RUSC2: variants seen among roughly 807,000 people sequenced by gnomAD.
RUSC2 encodes the protein RUN and SH3 domain containing 2.
RUSC2 carries 34 observed loss-of-function variants against 122.2 expected under a neutral mutation model. The observed-to-expected ratio is 0.28, with a 90% confidence interval of 0.21 to 0.37. The LOEUF (loss-of-function observed/expected upper bound fraction) is 0.37, where lower values mean the gene tolerates loss of function less well. RUSC2 is among the 10% of genes least tolerant of loss of function. RUSC2 has a pLI of 1.00. For synonymous variants in RUSC2, 784 were observed against 790.0 expected (o/e 0.99, Z 0.13); for missense variants, 1,747 against 1,952.4 (o/e 0.89, Z 1.98).
At position 35,500,064 on chromosome 9, in the gene RUSC2, G is replaced by A. The variant is rs537835022; in HGVS notation, c.-93+9892G>A. 3.9e-5 allele frequency among the ~76,000 whole-genome samples: 6 copies of A among 152,180 alleles called. No homozygotes were observed. The East Asian group carries it at 5.8e-4, about 15-fold the overall frequency. The stretch of plus-strand genomic sequence containing the variant: ...GAACAGCTTATTTTTCTAGAGTTCC[G>A]GATAGCTAGAGTTTTTCTATAAGAC... On this transcript the variant is annotated intron_variant, in intron 1 of 11. Coordinates refer to ENST00000361226, the MANE Select transcript of RUSC2 (RefSeq NM_014806.5).
intron 1 of RUSC2, among the ~76,000 whole-genome samples, chr9:35,492,151 A>G (rs975285363): frequency 6.6e-6 from 1 of 151,688 alleles, no homozygotes; most frequent in African/African-American, 2.4e-5. Context: ...TTTTCTCCTC[A>G]CCTCCAATAC....
chr9:35,557,260 G>A lies in RUSC2; in HGVS notation c.2984-654G>A, dbSNP rs1190202852. On this transcript the variant is annotated intron_variant, in intron 5 of 11. Coordinates refer to ENST00000361226, the MANE Select transcript of RUSC2 (RefSeq NM_014806.5). The surrounding 1 kb of genome is among the most constrained non-coding windows in gnomAD (Gnocchi z 4.6). ...AGAGCTGAAGTTCCTTGCAAAGGCA[G>A]AAGGGGAGAATCAGAGCTCAGGGAG... is the stretch of plus-strand genomic sequence containing the variant. 6.6e-6 allele frequency among the ~76,000 whole-genome samples: 1 copy of A among 152,212 alleles called. No homozygotes were observed. Among genetic ancestry groups the A allele is most frequent in the Non-Finnish European group, 1.5e-5 (1 of 68,040 alleles).
intron 1 of RUSC2, among the ~76,000 whole-genome samples, chr9:35,510,217 C>T (rs557558381): frequency 1.9e-4 from 29 of 152,240 alleles, no homozygotes; most frequent in East Asian, 1.9e-4. Flanking sequence ...TCAATTCAGG[C>T]ATAAGTAATT....
In RUSC2 at chr9:35,546,915, C is replaced by T. The variant is rs1030403019; in HGVS notation, c.394C>T (p.His132Tyr). 1.9e-6 allele frequency: 3 copies of T among 1,577,110 alleles called. No homozygotes were observed. The highest frequency in any genetic ancestry group is 8.6e-7 in the Non-Finnish European group (1 of 1,161,498). Reference sequence around the variant, plus strand: ...TGACAGTGCCACCCAGCAGTCCTTCCACCTGCATGGCACTGGCCAGCCCAA... The same window carrying T: ...TGACAGTGCCACCCAGCAGTCCTTCTACCTGCATGGCACTGGCCAGCCCAA... ...IGDSATQQSFHLHGTGQPNFH... is the reference protein window; with the variant it reads ...IGDSATQQSFYLHGTGQPNFH... The change falls in exon 2 of 12, where the codon CAC (histidine) becomes TAC (tyrosine). Residue 132 changes from histidine (H) to tyrosine (Y), a missense_variant. By Grantham distance (83) the His-to-Tyr change is moderately conservative. Coordinates refer to ENST00000361226, the MANE Select transcript of RUSC2 (RefSeq NM_014806.5). The surrounding 1 kb of genome is among the most constrained non-coding windows in gnomAD (Gnocchi z 4.3).
intron 1 of RUSC2, among the ~76,000 whole-genome samples, chr9:35,529,015 A>G (rs1230526334): frequency 6.6e-6 from 1 of 152,252 alleles, no homozygotes; most frequent in Admixed American, 6.5e-5. Flanking sequence ...ACCATTGAAT[A>G]TACCTTGTAT....
chr9:35,531,384 G>A (rs1821415882), intron 1 of RUSC2, among the ~76,000 whole-genome samples: 1 of 152,194 alleles, frequency 6.6e-6, no homozygotes, highest in African/African-American at 2.4e-5. Context: ...TGTGATAGCT[G>A]GGAACCAAGA....
intron 1 of RUSC2, among the ~76,000 whole-genome samples, chr9:35,541,450 T>C (rs1287778277): frequency 6.6e-6 from 1 of 151,410 alleles, no homozygotes; most frequent in Non-Finnish European, 1.5e-5. Context: ...CAGTTTACTC[T>C]CATTTTTTTT....
intron 1 of RUSC2, among the ~76,000 whole-genome samples, chr9:35,522,845 G>A (rs1445521789): frequency 6.6e-6 from 1 of 152,200 alleles, no homozygotes. Flanking sequence ...TGAGGTTGTC[G>A]CTGTTGGAGA....
At chr9:35,559,630 G>A (rs1822099250) in intron 9 of RUSC2, among the ~76,000 whole-genome samples, 1 of 152,236 alleles carries the variant, frequency 6.6e-6, no homozygotes, top group Admixed American at 6.5e-5. Context: ...AGCTACTCGG[G>A]AGGCTGAGGC....
At chr9:35,516,842 C>G (rs966568731) in intron 1 of RUSC2, among the ~76,000 whole-genome samples, 3 of 152,112 alleles carry the variant, frequency 2.0e-5, no homozygotes, top group Non-Finnish European at 2.9e-5. Flanking sequence ...CTGAGAATGG[C>G]TTTTACATTT....
intron 1 of RUSC2, among the ~76,000 whole-genome samples, chr9:35,521,837 G>C (rs1244515501): frequency 6.6e-6 from 1 of 152,246 alleles, no homozygotes; most frequent in Non-Finnish European, 1.5e-5. Context: ...ATACGAGTTA[G>C]AAACAGTGGC....
chr9:35,560,913 G>A (rs1822145923), intron 10 of RUSC2, 47 bp from the exon 11 acceptor site: 1 of 1,600,774 alleles, frequency 6.2e-7, no homozygotes. Flanking sequence ...CCAGGGCACG[G>A]GCAGAGCCCA....
At chr9:35,544,894 T>G (rs1214386942) in intron 1 of RUSC2, among the ~76,000 whole-genome samples, 2 of 152,164 alleles carry the variant, frequency 1.3e-5, no homozygotes, top group Admixed American at 1.3e-4. Context: ...ATCTTGTAGC[T>G]CAGACTCTCT....
intron 1 of RUSC2, among the ~76,000 whole-genome samples, chr9:35,530,376 T>A (rs999827035): frequency 1.2e-4 from 19 of 152,122 alleles, no homozygotes; most frequent in African/African-American, 4.6e-4. Flanking sequence ...CATCAAGAGA[T>A]AATAAAATGG....
In RUSC2 at chr9:35,561,580, C is replaced by T; in HGVS notation, c.*198C>T. 5.0e-6 allele frequency: 3 copies of T among 599,752 alleles called. No homozygotes were observed. Among genetic ancestry groups the T allele is most frequent in the South Asian group, 4.1e-5 (2 of 48,640 alleles). 37.2% of individuals were successfully genotyped at this position (599,752 alleles called of 1,614,324 possible). A position where few individuals can be genotyped will look rare whatever the true frequency, so the allele number is the denominator to read the frequency against. On this transcript the variant is annotated 3_prime_UTR_variant, in exon 12 of 12. Coordinates refer to ENST00000361226, the MANE Select transcript of RUSC2 (RefSeq NM_014806.5). ...CCCAGTGACCTTGTCCAGACCTCCA[C>T]CCAGGAGAGGGATGGGACACAGCAC...
intron 1 of RUSC2, among the ~76,000 whole-genome samples, chr9:35,535,180 A>G (rs1821497054): frequency 2.0e-5 from 3 of 151,962 alleles, no homozygotes; most frequent in South Asian, 2.1e-4. Flanking sequence ...CAATGGTGCA[A>G]TCTCGGCTCA....
chr9:35,559,522 G>T lies in RUSC2; in HGVS notation c.3388+250G>T, dbSNP rs1822095853. On this transcript the variant is annotated intron_variant, in intron 9 of 11. Coordinates refer to ENST00000361226, the MANE Select transcript of RUSC2 (RefSeq NM_014806.5). ...GGCCGAGGCACGTGGGTCACCTGAGGTCAAGAGTTTGAGACTAGCCTGGGC... is the reference window on the plus strand; with the variant it reads ...GGCCGAGGCACGTGGGTCACCTGAGTTCAAGAGTTTGAGACTAGCCTGGGC... Among the ~76,000 whole-genome samples the T allele has an allele frequency of 2.6e-5, 4 of 152,100 alleles. No individual in the cohort carries two copies. The South Asian group carries it at 8.3e-4, about 32-fold the overall frequency.
chr9:35,513,934 ATATATT>A (rs1253721568), intron 1 of RUSC2, among the ~76,000 whole-genome samples: 2 of 134,666 alleles, frequency 1.5e-5, no homozygotes, highest in Non-Finnish European at 3.3e-5. Context: ...ATATATATAT[ATATATT>A]ACTTTATGTG....
intron 1 of RUSC2, among the ~76,000 whole-genome samples, chr9:35,530,666 G>C (rs148073556): frequency 0.014 from 2,061 of 152,062 alleles, 46 homozygotes; most frequent in African/African-American, 0.043. Flanking sequence ...ATGAGACTGG[G>C]TCTCACTCTG....
Sources: allele counts gnomAD v4.1 joint callset (sites outside exome capture counted in the v4.1 genomes callset), GRCh38; gene constraint gnomAD v4.1.1; non-coding constraint Gnocchi (gnomAD v3.1); transcripts MANE v1.5; gene names NCBI Gene and HGNC (gene_info 2026-07-23, HGNC 2026-07-21).